Variants in SUCLA2 observed in about 807,000 individuals in gnomAD.
The protein encoded by SUCLA2 is succinate-CoA ligase ADP-forming subunit beta, also known as succinate--CoA ligase [ADP-forming] subunit beta, mitochondrial.
In SUCLA2, 30 loss-of-function variants were observed where a neutral mutation model predicts 54.8. The ratio of observed to expected loss-of-function variants is 0.55; its 90% CI spans 0.41 to 0.74. The LOEUF is 0.74. Among genes scored for constraint, SUCLA2 ranks in the 30% least tolerant of loss-of-function variants. The probability of loss-of-function intolerance (pLI) is 0.00; values close to 1 mark genes in which losing one functional copy is unlikely to be tolerated. For missense variants in SUCLA2, 476 were observed against 562.9 expected, an observed-to-expected ratio of 0.85 and a Z score of 1.56; for synonymous variants, 172 against 188.9, an observed-to-expected ratio of 0.91 and a Z score of 0.74.
rs1950123508 is a variant in SUCLA2, at chr13:47,988,534, T to C, written c.534+7A>G. The C allele has an allele frequency of 6.2e-7, 1 of 1,613,604 alleles. No homozygotes were observed. The highest frequency in any genetic ancestry group is 8.5e-7 in the Non-Finnish European group (1 of 1,179,822). On this transcript the variant is annotated splice_region_variant and intron_variant, in intron 4 of 10. Transcript: ENST00000646932. ...ATCCCGTATGTATCATGTCTACAAT[T>C]ACTCACTTGAAATGACCTTTCCATT... is the stretch of plus-strand genomic sequence containing the variant.
chr13:47,994,880 A>C (rs2137751364), intron 2 of SUCLA2: 3 of 984,990 alleles, frequency 3.0e-6, no homozygotes, highest in Middle Eastern at 5.2e-4. Flanking sequence ...TGCACATATT[A>C]TTTCTTTCTT....
Position 47,973,366 on chromosome 13 carries a change from A to G in SUCLA2, c.561T>C (p.His187=), listed in dbSNP as rs1357396105. The G allele has an allele frequency of 6.2e-7, 1 of 1,613,738 alleles. No homozygotes were observed. Among genetic ancestry groups the G allele is most frequent in the African/African-American group, 1.3e-5 (1 of 75,040 alleles). ...CAACATCTTCAATGTTGACACCACC[A>G]TGTGAACTTCCTATTAATACAGGAC... is the stretch of plus-strand genomic sequence containing the variant. ...FQGPVLIGSS[H]GGVNIEDVAA... Residue 187 remains histidine (H), a synonymous_variant, in exon 5 of 11, where the codon CAT becomes CAC. Coordinates refer to ENST00000646932, the MANE Select transcript of SUCLA2 (RefSeq NM_003850.3).
At position 47,968,665 on chromosome 13, in the gene SUCLA2, G is replaced by A. The variant is rs758228265; in HGVS notation, c.732C>T (p.Tyr244=). 8.7e-6 allele frequency: 14 copies of A among 1,611,794 alleles called. No homozygotes were observed. The African/African-American group carries it at 1.7e-4, about 20-fold the overall frequency. Residue 244 remains tyrosine (Y), a synonymous_variant, in exon 6 of 11, where the codon TAC becomes TAT. Transcript: ENST00000646932. ...ESAAENMVKL[Y]SLFLKYDATM... ...TTGCATCGTATTTCAGAAAAAGGCT[G>A]TAAAGCTTGACCATGTTTTCTGCTG...
intron 6 of SUCLA2, chr13:47,965,477 A>C (rs1949909530): frequency 2.6e-6 from 1 of 387,162 alleles, no homozygotes; most frequent in Non-Finnish European, 4.5e-6. Context: ...ATTCTATGAA[A>C]TAAATGACCC....
chr13:47,954,571 AAG>A lies in SUCLA2; in HGVS notation c.803-16_803-15del, dbSNP rs1949803941. ...CCATACACAATACTTTGAAGGGAAA[AAG>A]AGAAAAATGACCTTAATTTCAAGAC... On this transcript the variant is annotated splice_polypyrimidine_tract_variant and intron_variant, in intron 6 of 10. Transcript: ENST00000646932. The A allele has an allele frequency of 3.7e-6, 6 of 1,612,508 alleles. No individual in the cohort carries two copies. The highest frequency in any genetic ancestry group is 5.1e-6 in the Non-Finnish European group (6 of 1,178,884).
At chr13:47,963,631 C>A (rs1445916244) in intron 6 of SUCLA2, among the ~76,000 whole-genome samples, 3 of 144,472 alleles carry the variant, frequency 2.1e-5, no homozygotes, top group East Asian at 4.1e-4. Flanking sequence ...GGCAACAGAA[C>A]GAGACTCTGT....
intron 1 of SUCLA2, among the ~76,000 whole-genome samples, chr13:47,998,421 T>G (rs528577830): frequency 6.6e-6 from 1 of 152,190 alleles, no homozygotes; most frequent in South Asian, 2.1e-4. Flanking sequence ...TCCTTACATC[T>G]GTCAAAAGGC....
intron 6 of SUCLA2, among the ~76,000 whole-genome samples, chr13:47,963,230 A>T (rs540310119): frequency 2.5e-4 from 38 of 152,240 alleles, no homozygotes; most frequent in Non-Finnish European, 3.5e-4. Flanking sequence ...GCTAATAAAA[A>T]CCATTTATGT....
At chr13:47,962,045 G>A (rs1009970906) in intron 6 of SUCLA2, among the ~76,000 whole-genome samples, 1 of 152,198 alleles carries the variant, frequency 6.6e-6, no homozygotes, top group Non-Finnish European at 1.5e-5. Context: ...ATATGAAGCA[G>A]AGCAGGAGTT....
At chr13:47,946,294 G>C (rs1224835732) in intron 10 of SUCLA2, among the ~76,000 whole-genome samples, 1 of 152,204 alleles carries the variant, frequency 6.6e-6, no homozygotes, top group Non-Finnish European at 1.5e-5. Context: ...AACTATCTGT[G>C]ATTCAGGCAC....
intron 5 of SUCLA2, chr13:47,972,117 T>C (rs1032547359): frequency 1.2e-5 from 4 of 342,568 alleles, no homozygotes; most frequent in African/African-American, 6.3e-5. Flanking sequence ...TAGCCGGGCA[T>C]GGTGACGTGC....
At chr13:47,949,862 C>T (rs1949762537) in intron 8 of SUCLA2, among the ~76,000 whole-genome samples, 1 of 152,154 alleles carries the variant, frequency 6.6e-6, no homozygotes, top group Admixed American at 6.6e-5. Context: ...TGAACAAGAC[C>T]ATCTAATTCC....
chr13:47,949,107 T>C, intron 9 of SUCLA2, 79 bp from the exon 10 acceptor site: 1 of 1,413,546 alleles, frequency 7.1e-7, no homozygotes, highest in South Asian at 1.2e-5. Flanking sequence ...AAACATGGTA[T>C]AAGAATAAAA....
intron 8 of SUCLA2, among the ~76,000 whole-genome samples, chr13:47,950,649 ATC>A (rs1949768748): frequency 6.6e-6 from 1 of 152,046 alleles, no homozygotes; most frequent in Admixed American, 6.6e-5. Context: ...TTTCCAAATA[ATC>A]TCTCTTTTTT....
At chr13:48,001,024 C>G in intron 1 of SUCLA2, 156 bp downstream of exon 1, 1 of 1,477,620 alleles carries the variant, frequency 6.8e-7, no homozygotes, top group South Asian at 1.3e-5. Context: ...GTAGTCCTGG[C>G]GAGCAGCACT....
chr13:47,954,291 G>C lies in SUCLA2; in HGVS notation c.965-9C>G. On this transcript the variant is annotated splice_polypyrimidine_tract_variant and intron_variant, in intron 7 of 10. Transcript: ENST00000646932. ...CAAACCAGCACCATTTACTATATAG[G>C]GGAAAATGATTTGTATAAGCAACAA... 1 of 1,613,418 alleles carries C rather than the reference G, an allele frequency of 6.2e-7. No homozygotes were observed. Among genetic ancestry groups the C allele is most frequent in the Non-Finnish European group, 8.5e-7 (1 of 1,179,676 alleles).
At chr13:47,952,157 A>ACTCT (rs1949781590) in intron 8 of SUCLA2, among the ~76,000 whole-genome samples, 1 of 152,074 alleles carries the variant, frequency 6.6e-6, no homozygotes, top group South Asian at 2.1e-4. Flanking sequence ...CTGTCTGAAT[A>ACTCT]GTCCTACAAC....
chr13:47,990,909 G>A (rs1286336638), intron 2 of SUCLA2, among the ~76,000 whole-genome samples: 1 of 152,188 alleles, frequency 6.6e-6, no homozygotes, highest in Non-Finnish European at 1.5e-5. Context: ...GCCTTCACCA[G>A]AAATACATGC....
intron 9 of SUCLA2, 116 bp from the exon 10 acceptor site, chr13:47,949,144 T>A: frequency 9.8e-7 from 1 of 1,023,576 alleles, no homozygotes; most frequent in South Asian, 1.3e-5. Context: ...TTCCATTATT[T>A]AGTATAAACA....
Sources: gnomAD v4.1 joint callset for allele counts (sites outside exome capture counted in the v4.1 genomes callset) on GRCh38, gnomAD v4.1.1 for gene constraint, MANE v1.5 for transcripts, NCBI Gene and HGNC (gene_info 2026-07-23, HGNC 2026-07-21) for gene names.